The following TMEM132B variants were observed in gnomAD, a reference collection of about 807,000 sequenced individuals.
TMEM132B encodes the protein transmembrane protein 132B.
Under a neutral mutation model 90.8 loss-of-function variants are expected in TMEM132B, and 18 were observed. The ratio of observed to expected loss-of-function variants is 0.20; its 90% CI spans 0.14 to 0.29. The LOEUF is 0.29. Among genes scored for constraint, TMEM132B ranks in the 10% least tolerant of loss-of-function variants. TMEM132B has a pLI of 1.00. For missense variants in TMEM132B, 1,096 were observed against 1,326.8 expected (o/e 0.83, Z 2.70); for synonymous variants, 504 against 523.3 (o/e 0.96, Z 0.50).
chr12:125,587,101 G>T, intron 5 of TMEM132B: 1 of 151,974 alleles, frequency 6.6e-6, no homozygotes. Context: ...TTCTATCTGT[G>T]GTTTCAGGCA....
chr12:125,190,680 G>A (rs1593035318), intron 1 of TMEM132B, among the ~76,000 whole-genome samples: 1 of 36,460 alleles, frequency 2.7e-5, no homozygotes, highest in African/African-American at 1.1e-4. Flanking sequence ...TGGTGATGGG[G>A]AAGGGGTGGT....
intron 1 of TMEM132B, among the ~76,000 whole-genome samples, chr12:125,241,061 T>C (rs1449796570): frequency 1.3e-5 from 2 of 152,164 alleles, no homozygotes; most frequent in African/African-American, 4.8e-5. Context: ...ACGGGTCCTT[T>C]TAGTAGTTAG....
At chr12:125,543,811 C>A (rs1217350695) in intron 4 of TMEM132B, among the ~76,000 whole-genome samples, 2 of 152,076 alleles carry the variant, frequency 1.3e-5, no homozygotes, top group Admixed American at 1.3e-4. Flanking sequence ...AAGGTTAGAA[C>A]CAGAAATACC....
At chr12:125,227,442 G>A (rs1017246591) in intron 1 of TMEM132B, among the ~76,000 whole-genome samples, 28 of 152,164 alleles carry the variant, frequency 1.8e-4, no homozygotes, top group African/African-American at 6.8e-4. Flanking sequence ...TCAGACCCAG[G>A]TGGTCTGGGT....
intron 2 of TMEM132B, among the ~76,000 whole-genome samples, chr12:125,362,569 C>T (rs567595695): frequency 6.6e-5 from 10 of 152,276 alleles, no homozygotes; most frequent in Admixed American, 5.2e-4. Context: ...AGAACTTGTT[C>T]ATCTTGCAGG....
rs188419402 is a variant in TMEM132B, at chr12:125,564,834, G to C, written c.1294-19017G>C. ...ACAAACATATCTGAGAGACAGCCACGCAAACCCTGCTAGCATATGCTAAGA... is the reference window on the plus strand; with the variant it reads ...ACAAACATATCTGAGAGACAGCCACCCAAACCCTGCTAGCATATGCTAAGA... On this transcript the variant is annotated intron_variant, in intron 4 of 8. Transcript: ENST00000682704. Among the ~76,000 whole-genome samples, 143 of 152,276 alleles carry C rather than the reference G, an allele frequency of 9.4e-4. 1 individual carries two copies. Among genetic ancestry groups the C allele is most frequent in the African/African-American group, 3.3e-3 (138 of 41,544 alleles).
rs1881387940 is a variant in TMEM132B, at chr12:125,459,773, C to G, written c.1106+44096C>G. 6.6e-6 allele frequency among the ~76,000 whole-genome samples: 1 copy of G among 152,194 alleles called. No homozygotes were observed. The highest frequency in any genetic ancestry group is 2.1e-4 in the South Asian group (1 of 4,828). ...ACCCAAATCTCATCCTGAATTGTAG[C>G]TCCCATAATTCCCATGTGTTATGGG... On this transcript the variant is annotated intron_variant, in intron 3 of 8. Transcript: ENST00000682704. This position sits in a 1 kb window ranked among gnomAD's most constrained non-coding sequence, Gnocchi z 4.1.
chr12:125,607,222 T>C (rs1885719238), intron 5 of TMEM132B, among the ~76,000 whole-genome samples: 1 of 152,226 alleles, frequency 6.6e-6, no homozygotes, highest in Non-Finnish European at 1.5e-5. Context: ...GTGTTTAACT[T>C]ATGTTAAAAT....
At chr12:125,417,463 A>C (rs1200016289) in intron 3 of TMEM132B, among the ~76,000 whole-genome samples, 1 of 152,072 alleles carries the variant, frequency 6.6e-6, no homozygotes, top group African/African-American at 2.4e-5. Flanking sequence ...GTCAGCTCAC[A>C]GTGTTTGCCA....
intron 3 of TMEM132B, among the ~76,000 whole-genome samples, chr12:125,494,553 T>C (rs1346351893): frequency 0.019 from 416 of 22,418 alleles, no homozygotes; most frequent in Non-Finnish European, 0.019. Flanking sequence ...CCCTCCTCCC[T>C]CTCCTCCCTG....
intron 1 of TMEM132B, among the ~76,000 whole-genome samples, chr12:125,266,121 A>G (rs1216207494): frequency 6.6e-6 from 1 of 152,074 alleles, no homozygotes; most frequent in Non-Finnish European, 1.5e-5. Flanking sequence ...CCCAGCTACT[A>G]GGGAGACTGA....
chr12:125,270,112 T>TGTG, intron 1 of TMEM132B, among the ~76,000 whole-genome samples: 1 of 143,144 alleles, frequency 7.0e-6, no homozygotes, highest in Non-Finnish European at 1.5e-5. Context: ...CACATCTTTG[T>TGTG]TGTGTGTGTG....
intron 3 of TMEM132B, among the ~76,000 whole-genome samples, chr12:125,518,536 A>G (rs1240504367): frequency 1.3e-5 from 2 of 152,158 alleles, no homozygotes; most frequent in Admixed American, 6.5e-5. Flanking sequence ...ACTGGGATGG[A>G]AACAGGCTGA....
At chr12:125,581,280 T>C (rs113419071) in intron 4 of TMEM132B, among the ~76,000 whole-genome samples, 1 of 152,228 alleles carries the variant, frequency 6.6e-6, no homozygotes, top group Admixed American at 6.5e-5. Flanking sequence ...CTTGTCCTCA[T>C]GTGTTAAGAA....
At chr12:125,414,621 G>A (rs1879956717) in intron 2 of TMEM132B, among the ~76,000 whole-genome samples, 2 of 152,078 alleles carry the variant, frequency 1.3e-5, no homozygotes, top group Admixed American at 1.3e-4. Context: ...GCATTAGTTC[G>A]CAGCATTAGT....
At chr12:125,235,431 T>C (rs1483865668) in intron 1 of TMEM132B, among the ~76,000 whole-genome samples, 2 of 151,768 alleles carry the variant, frequency 1.3e-5, no homozygotes, top group Non-Finnish European at 2.9e-5. Flanking sequence ...ATGGAGGCTC[T>C]TGCTGCTGGA....
chr12:125,335,672 G>A (rs577052016), intron 1 of TMEM132B, among the ~76,000 whole-genome samples: 28 of 152,288 alleles, frequency 1.8e-4, no homozygotes, highest in Admixed American at 3.9e-4. Flanking sequence ...GGGGGAAAAT[G>A]CATCTTAAAA....
chr12:125,342,752 G>A (rs539632948), intron 1 of TMEM132B, among the ~76,000 whole-genome samples: 1 of 152,270 alleles, frequency 6.6e-6, no homozygotes, highest in East Asian at 1.9e-4. Context: ...AAGCAGGGCT[G>A]CCCAGCTTGA....
rs1879607568 is a variant in TMEM132B, at chr12:125,409,123, GTA to G, written c.960-6407_960-6406del. On this transcript the variant is annotated intron_variant, in intron 2 of 8. Coordinates refer to ENST00000682704, the MANE Select transcript of TMEM132B (RefSeq NM_001366854.1). ...CTCACAGGTACTCTCCTCAGTTTGT[GTA>G]GAAGCCTGCTGCCTTTACTGCAGTT... is the stretch of plus-strand genomic sequence containing the variant. Among the ~76,000 whole-genome samples, 3 of 152,292 alleles carry G rather than the reference GTA, an allele frequency of 2.0e-5. No homozygotes were observed. In the South Asian group the frequency reaches 6.2e-4, roughly 32 times the overall value.
Sources: allele counts gnomAD v4.1 joint callset (sites outside exome capture counted in the v4.1 genomes callset), GRCh38; gene constraint gnomAD v4.1.1; non-coding constraint Gnocchi (gnomAD v3.1); transcripts MANE v1.5; gene names NCBI Gene and HGNC (gene_info 2026-07-23, HGNC 2026-07-21).